Variants in TRPM3 observed in about 807,000 individuals in gnomAD.
TRPM3 encodes long transient receptor potential channel 3.
A neutral mutation model predicts 181.2 loss-of-function variants in TRPM3; 77 were observed. The ratio of observed to expected loss-of-function variants is 0.42; its 90% CI spans 0.35 to 0.51. The LOEUF (loss-of-function observed/expected upper bound fraction) is 0.51, where lower values mean the gene tolerates loss of function less well. TRPM3 is among the 20% of genes least tolerant of loss of function. The probability of loss-of-function intolerance (pLI) is 0.01; values close to 1 mark genes in which losing one functional copy is unlikely to be tolerated. For missense variants in TRPM3, 1,759 were observed against 2,196.7 expected (o/e 0.80, Z 3.98); for synonymous variants, 745 against 796.4 (o/e 0.94, Z 1.09).
At chr9:70,686,958 C>T (rs2067122236) in intron 8 of TRPM3, among the ~76,000 whole-genome samples, 1 of 151,200 alleles carries the variant, frequency 6.6e-6, no homozygotes, top group Admixed American at 6.6e-5. Context: ...ATAGCTGGGG[C>T]TACAGGTGCA....
intron 1 of TRPM3, among the ~76,000 whole-genome samples, chr9:71,266,639 T>C (rs1449510098): frequency 6.6e-6 from 1 of 152,204 alleles, no homozygotes; most frequent in Non-Finnish European, 1.5e-5. Flanking sequence ...GAACATGAGA[T>C]ATCGCTGACA....
chr9:71,317,028 A>T (rs1056166274), intron 1 of TRPM3, among the ~76,000 whole-genome samples: 5 of 152,150 alleles, frequency 3.3e-5, no homozygotes, highest in African/African-American at 1.2e-4. Context: ...TACATAAACC[A>T]TATCCCCTAT....
intron 6 of TRPM3, chr9:70,825,903 GT>G: frequency 6.6e-6 from 1 of 152,324 alleles, no homozygotes; most frequent in East Asian, 1.9e-4. Flanking sequence ...TCTGGCTGGG[GT>G]TTTAACTCCA....
chr9:71,428,240 C>T (rs934015638), intron 1 of TRPM3, among the ~76,000 whole-genome samples: 16 of 151,292 alleles, frequency 1.1e-4, no homozygotes, highest in Non-Finnish European at 2.2e-4. Flanking sequence ...TACAGGCGCC[C>T]GCCACCATGC....
intron 1 of TRPM3, among the ~76,000 whole-genome samples, chr9:71,156,652 A>G (rs1253810354): frequency 1.3e-5 from 2 of 152,108 alleles, no homozygotes; most frequent in Non-Finnish European, 2.9e-5. Context: ...AGTTATTAAT[A>G]AGACAAAATC....
At chr9:71,069,430 G>T (rs1397801218) in intron 1 of TRPM3, among the ~76,000 whole-genome samples, 1 of 152,136 alleles carries the variant, frequency 6.6e-6, no homozygotes, top group Non-Finnish European at 1.5e-5. Context: ...GCCTGCCTTG[G>T]CCTCCCAAAG....
At chr9:70,926,161 G>T (rs983503661) in intron 1 of TRPM3, among the ~76,000 whole-genome samples, 1 of 152,082 alleles carries the variant, frequency 6.6e-6, no homozygotes, top group Non-Finnish European at 1.5e-5. Flanking sequence ...GGCAAGGAGA[G>T]GACCTACAAT....
At chr9:70,609,402 T>C (rs2061683204) in intron 19 of TRPM3, among the ~76,000 whole-genome samples, 2 of 152,258 alleles carry the variant, frequency 1.3e-5, no homozygotes, top group African/African-American at 4.8e-5. Flanking sequence ...AATTTTTACC[T>C]CACTGAAAAC....
chr9:71,291,243 G>T (rs1354008265), intron 1 of TRPM3, among the ~76,000 whole-genome samples: 4 of 152,068 alleles, frequency 2.6e-5, no homozygotes, highest in African/African-American at 9.7e-5. Flanking sequence ...CCAAAATTGG[G>T]AGATTCACAA....
At chr9:70,792,661 C>CAGACAG (rs1554709743) in intron 6 of TRPM3, among the ~76,000 whole-genome samples, 1 of 147,076 alleles carries the variant, frequency 6.8e-6, no homozygotes, top group African/African-American at 2.5e-5. Flanking sequence ...GACAGAAAGA[C>CAGACAG]AGAGAGAGAG....
At chr9:70,562,344 C>A (rs1229802633) in intron 22 of TRPM3, among the ~76,000 whole-genome samples, 1 of 152,146 alleles carries the variant, frequency 6.6e-6, no homozygotes, top group Non-Finnish European at 1.5e-5. Flanking sequence ...CAACTGTAGG[C>A]CACTTGTAGA....
intron 1 of TRPM3, among the ~76,000 whole-genome samples, chr9:71,001,180 T>C (rs900445463): frequency 6.6e-6 from 1 of 152,158 alleles, no homozygotes; most frequent in Non-Finnish European, 1.5e-5. Flanking sequence ...GTAGCTCCAG[T>C]CCTGAGGACC....
chr9:70,752,041 T>C, intron 8 of TRPM3, among the ~76,000 whole-genome samples: 1 of 117,838 alleles, frequency 8.5e-6, no homozygotes, highest in Non-Finnish European at 1.8e-5. Context: ...TGTGTGTGTG[T>C]GTGTGTGTGC....
At chr9:71,123,480 G>C (rs1259844542), upstream of TRPM3, among the ~76,000 whole-genome samples, 1 of 152,128 alleles carries the variant, frequency 6.6e-6, no homozygotes, top group Non-Finnish European at 1.5e-5. Flanking sequence ...TATTGGCAAA[G>C]CACTTAGAAC....
At chr9:71,432,323 C>CTTTTTTTTTTTTT (rs67905820) in intron 1 of TRPM3, among the ~76,000 whole-genome samples, 11 of 76,616 alleles carry the variant, frequency 1.4e-4, no homozygotes, top group East Asian at 3.9e-4. Flanking sequence ...AAAAGTAGGA[C>CTTTTTTTTTTTTT]TTTTTTTTTT....
intron 1 of TRPM3, among the ~76,000 whole-genome samples, chr9:71,354,643 C>A (rs557633866): frequency 5.8e-4 from 88 of 152,332 alleles, no homozygotes; most frequent in African/African-American, 2.0e-3. Flanking sequence ...TTTGTAATCA[C>A]ATGATGTTCC....
chr9:70,561,651 C>A (rs1564333301), intron 22 of TRPM3, among the ~76,000 whole-genome samples: 1 of 152,156 alleles, frequency 6.6e-6, no homozygotes, highest in Non-Finnish European at 1.5e-5. Flanking sequence ...TTCACCTAAC[C>A]CAAACACTAG....
At chr9:71,417,557 A>G (rs185500060) in intron 1 of TRPM3, among the ~76,000 whole-genome samples, 2 of 152,044 alleles carry the variant, frequency 1.3e-5, no homozygotes, top group Admixed American at 1.3e-4. Context: ...CTGGTCTTCC[A>G]AAATATTATC....
chr9:70,787,881 C>T (rs1295254394), intron 6 of TRPM3, among the ~76,000 whole-genome samples: 1 of 145,256 alleles, frequency 6.9e-6, no homozygotes, highest in East Asian at 2.1e-4. Flanking sequence ...TCTCTAACAA[C>T]AATACATATC....
Sources: allele counts gnomAD v4.1 joint callset (sites outside exome capture counted in the v4.1 genomes callset), GRCh38; gene constraint gnomAD v4.1.1; transcripts MANE v1.5; gene names NCBI Gene and HGNC (gene_info 2026-07-23, HGNC 2026-07-21).